The following LIPN variants were observed in gnomAD, a reference collection of about 807,000 sequenced individuals.
The protein encoded by LIPN is lipase family member N.
A neutral mutation model predicts 43.7 loss-of-function variants in LIPN; 32 were observed. The observed-to-expected ratio is 0.73, with a 90% confidence interval of 0.55 to 0.98. The LOEUF (loss-of-function observed/expected upper bound fraction) is 0.98. Among genes scored for constraint, LIPN ranks in the 50% least tolerant of loss-of-function variants. The pLI, the probability that LIPN is intolerant of heterozygous loss-of-function variation, is 0.00. For synonymous variants in LIPN, 156 were observed against 157.6 expected (o/e 0.99, Z 0.08); for missense variants, 505 against 483.8 (o/e 1.04, Z -0.41).
At chr10:88,762,890 G>A (rs1753451148) in intron 3 of LIPN, among the ~76,000 whole-genome samples, 1 of 152,060 alleles carries the variant, frequency 6.6e-6, no homozygotes, top group Admixed American at 6.6e-5. Context: ...TCTAGAATGA[G>A]GAGCCAGCCA....
chr10:88,766,534 G>C (rs1320131883), intron 5 of LIPN, among the ~76,000 whole-genome samples, 156 bp downstream of exon 5: 1 of 151,890 alleles, frequency 6.6e-6, no homozygotes, highest in African/African-American at 2.4e-5. Flanking sequence ...ACTCTAAGTA[G>C]CTGTGAGCCT....
At chr10:88,774,399 C>T in intron 7 of LIPN, 74 bp from the exon 8 acceptor site, 1 of 860,136 alleles carries the variant, frequency 1.2e-6, no homozygotes. Flanking sequence ...TAATTCTGTG[C>T]ATCATTTTTC....
At chr10:88,775,518 TA>T (rs1425625608) in intron 9 of LIPN, among the ~76,000 whole-genome samples, 1 of 152,002 alleles carries the variant, frequency 6.6e-6, no homozygotes, top group African/African-American at 2.4e-5. Flanking sequence ...GAGGGATTTT[TA>T]AATGCATTTT....
At position 88,768,898 on chromosome 10, in the gene LIPN, G is replaced by T. The variant is rs1261077016; in HGVS notation, c.642G>T (p.Arg214Ser). ...SFKYPTGIFT[R>S]FFLLPNSIIK... Reference sequence around the variant, plus strand: ...AATATCCCACGGGCATTTTTACCAGGTTTTTTCTACTTCCAAATTCCATAA... The same window carrying T: ...AATATCCCACGGGCATTTTTACCAGTTTTTTTCTACTTCCAAATTCCATAA... The change falls in exon 6 of 10, where the codon AGG becomes AGT. Residue 214 changes from arginine (R) to serine (S), a missense_variant. Arg to Ser is a moderately radical substitution (Grantham distance 110). Coordinates refer to ENST00000404459, the MANE Select transcript of LIPN (RefSeq NM_001102469.2). 1.9e-6 allele frequency: 3 copies of T among 1,611,142 alleles called. No homozygotes were observed. Among genetic ancestry groups the T allele is most frequent in the African/African-American group, 1.3e-5 (1 of 74,674 alleles).
At chr10:88,757,667 T>C (rs577539304), upstream of LIPN, among the ~76,000 whole-genome samples, 27 of 152,308 alleles carry the variant, frequency 1.8e-4, no homozygotes, top group Non-Finnish European at 3.2e-4. Flanking sequence ...TACGCTAATA[T>C]GTAATCTCAA....
At chr10:88,773,399 C>T (rs1331020254) in intron 7 of LIPN, among the ~76,000 whole-genome samples, 1 of 151,754 alleles carries the variant, frequency 6.6e-6, no homozygotes, top group Non-Finnish European at 1.5e-5. Context: ...AAATAAAATC[C>T]TAAAAAAGGA....
chr10:88,778,284 C>A lies in LIPN; in HGVS notation c.*42C>A. On this transcript the variant is annotated 3_prime_UTR_variant, in exon 10 of 10. Transcript: ENST00000404459. ...TTTCAATTAAAAGTTGCTTCCAAGC[C>A]CATAAGGGACTTTAGAAAAAATAGT... 1 of 1,448,390 alleles carries A rather than the reference C, an allele frequency of 6.9e-7. No individual in the cohort carries two copies. Among genetic ancestry groups the A allele is most frequent in the Non-Finnish European group, 9.5e-7 (1 of 1,055,516 alleles). The allele number at this position is 1,448,390 out of a possible 1,614,324, so 89.7% of individuals were successfully genotyped here. A position where few individuals can be genotyped will look rare whatever the true frequency, so the allele number is the denominator to read the frequency against.
intron 6 of LIPN, among the ~76,000 whole-genome samples, chr10:88,770,010 G>A (rs1357159372): frequency 2.0e-5 from 3 of 151,848 alleles, no homozygotes; most frequent in African/African-American, 4.8e-5. Context: ...TGCGTTGTTT[G>A]TGTTGCTCTT....
At chr10:88,771,804 C>T (rs539696865) in intron 7 of LIPN, among the ~76,000 whole-genome samples, 5 of 150,988 alleles carry the variant, frequency 3.3e-5, no homozygotes, top group Admixed American at 6.6e-5. Context: ...GGTAATTCTA[C>T]TTTTAGTTTT....
Position 88,761,476 on chromosome 10 carries a change from TG to T in LIPN, c.73del (p.Glu25LysfsTer4). The T allele has an allele frequency of 6.2e-7, 1 of 1,612,358 alleles. No homozygotes were observed. The highest frequency in any genetic ancestry group is 8.5e-7 in the Non-Finnish European group (1 of 1,178,924). On this transcript the variant is annotated frameshift_variant, in exon 2 of 10. Transcript: ENST00000404459. LOFTEE classifies it high-confidence loss of function. Reference sequence around the variant, plus strand: ...TTAAATGCTGGTGGATTCCTTGATTTGGAAAATGAAGTGAATCCTGAGGTGT... The same window carrying T: ...TTAAATGCTGGTGGATTCCTTGATTTGAAAATGAAGTGAATCCTGAGGTGT... ...GTLNAGGFLD[L>X]ENEVNPEVWM...
chr10:88,766,335 G>A lies in LIPN; in HGVS notation c.492G>A (p.Gln164=), dbSNP rs1309657424. The change falls in exon 5 of 10, where the codon CAG becomes CAA. Residue 164 remains glutamine (Q), a synonymous_variant. Transcript: ENST00000404459. ...ACTTCATTGTAAATAAAACTGGTCAGGAGAAATTGTATTTCATTGGACATT... is the reference window on the plus strand; with the variant it reads ...ACTTCATTGTAAATAAAACTGGTCAAGAGAAATTGTATTTCATTGGACATT... The part of the protein sequence containing the change: ...VIDFIVNKTG[Q]EKLYFIGHSL... 1.2e-6 allele frequency: 2 copies of A among 1,609,540 alleles called. No individual in the cohort carries two copies. The highest frequency in any genetic ancestry group is 1.7e-5 in the Admixed American group (1 of 59,766).
intron 5 of LIPN, among the ~76,000 whole-genome samples, chr10:88,768,219 T>C (rs554239857): frequency 5.9e-4 from 90 of 151,832 alleles, no homozygotes; most frequent in Non-Finnish European, 1.1e-3. Flanking sequence ...GCCTGGTCCT[T>C]ACTGGGCCAT....
At chr10:88,772,086 G>T (rs1843218546) in intron 7 of LIPN, among the ~76,000 whole-genome samples, 1 of 148,750 alleles carries the variant, frequency 6.7e-6, no homozygotes, top group Admixed American at 6.7e-5. Flanking sequence ...CAGATCTTTT[G>T]TCCATTTTTA....
At chr10:88,773,072 T>C (rs1473502950) in intron 7 of LIPN, among the ~76,000 whole-genome samples, 2 of 151,822 alleles carry the variant, frequency 1.3e-5, no homozygotes, top group Admixed American at 6.6e-5. Context: ...AATGTCCATA[T>C]GATCCAAAAC....
chr10:88,761,370 T>C (rs1450440421), intron 1 of LIPN, 28 bp from the exon 2 acceptor site: 6 of 1,250,150 alleles, frequency 4.8e-6, no homozygotes, highest in African/African-American at 1.5e-5. Flanking sequence ...TTAAAATTAA[T>C]CTGTGAATAT....
rs1401504990 is a variant in LIPN, at chr10:88,770,907, A to T, written c.735A>T (p.Lys245Asn). The change falls in exon 7 of 10, where the codon AAA becomes AAT. Residue 245 changes from lysine (K) to asparagine (N), a missense_variant. Physicochemically the swap from Lys to Asn is moderately conservative, Grantham distance 94. Transcript: ENST00000404459. ...AGAAAACGAAGATAGCTTCTACCAA[A>T]ATCTGCAACAATAAGATACTCTGGT... ...EDKKTKIAST[K>N]ICNNKILWLI... The T allele has an allele frequency of 6.5e-7, 1 of 1,549,264 alleles. No individual in the cohort carries two copies. Among genetic ancestry groups the T allele is most frequent in the Non-Finnish European group, 8.7e-7 (1 of 1,144,168 alleles).
intron 7 of LIPN, among the ~76,000 whole-genome samples, chr10:88,772,238 G>T (rs1843222236): frequency 1.3e-5 from 2 of 151,610 alleles, no homozygotes. Flanking sequence ...GGTCTCCTTT[G>T]CTTTGCAGAA....
upstream of LIPN, among the ~76,000 whole-genome samples, chr10:88,758,826 C>A (rs1013956767): frequency 2.6e-5 from 4 of 151,952 alleles, no homozygotes; most frequent in Non-Finnish European, 5.9e-5. Context: ...TTGAGCTAGC[C>A]TACAATCTGT....
intron 3 of LIPN, among the ~76,000 whole-genome samples, chr10:88,764,015 G>A (rs1368669638): frequency 2.0e-5 from 3 of 151,954 alleles, no homozygotes; most frequent in Non-Finnish European, 4.4e-5. Flanking sequence ...AAAAAGAACT[G>A]GGTTTGAGTC....
Sources: gnomAD v4.1 joint callset for allele counts (sites outside exome capture counted in the v4.1 genomes callset) on GRCh38, gnomAD v4.1.1 for gene constraint, MANE v1.5 for transcripts, NCBI Gene and HGNC (gene_info 2026-07-23, HGNC 2026-07-21) for gene names.